IPO5: variants seen among roughly 807,000 people sequenced by gnomAD.
IPO5 encodes the protein importin 5.
In IPO5, 18 loss-of-function variants were observed where a neutral mutation model predicts 143.3. That is an observed-to-expected ratio of 0.13 (90% CI 0.09 to 0.19). The LOEUF is 0.19. Among genes scored for constraint, IPO5 ranks in the 10% least tolerant of loss-of-function variants. IPO5 has a pLI of 1.00. For missense variants in IPO5, 1,013 were observed against 1,336.9 expected (o/e 0.76, Z 3.78); for synonymous variants, 477 against 465.7 (o/e 1.02, Z -0.31).
chr13:97,958,441 C>T lies in IPO5; in HGVS notation c.-113+4243C>T, dbSNP rs9584730. Among the ~76,000 whole-genome samples the T allele has an allele frequency of 3.6e-3, 543 of 152,272 alleles. 4 individuals carry two copies. Among genetic ancestry groups the T allele is most frequent in the African/African-American group, 0.012 (504 of 41,564 alleles). On this transcript the variant is annotated intron_variant, in intron 2 of 28. Transcript: ENST00000651721. ...TCTCTCCCGACCTCACCCCCACCAT[C>T]GGGAGAGGACTCATCAAGAAATTCC...
At chr13:97,961,038 GT>G (rs1884836765) in intron 2 of IPO5, among the ~76,000 whole-genome samples, 1 of 152,148 alleles carries the variant, frequency 6.6e-6, no homozygotes. Flanking sequence ...GTCTATGGAT[GT>G]GCTGATTCTG....
chr13:97,977,127 C>T (rs1339388428), intron 4 of IPO5: 2 of 156,894 alleles, frequency 1.3e-5, no homozygotes, highest in Non-Finnish European at 2.8e-5. Flanking sequence ...CCCCGCTTGC[C>T]CCTTTCCCGC....
chr13:98,006,339 GA>G lies in IPO5; in HGVS notation c.1709del (p.Lys570ArgfsTer11). The G allele has an allele frequency of 8.5e-7, 1 of 1,180,320 alleles. No individual in the cohort carries two copies. Among genetic ancestry groups the G allele is most frequent in the Non-Finnish European group, 1.2e-6 (1 of 841,756 alleles). 73.1% of individuals were successfully genotyped at this position (1,180,320 alleles called of 1,614,324 possible). A position where few individuals can be genotyped will look rare whatever the true frequency, so the allele number is the denominator to read the frequency against. ...CISLIGLAVG[K>X]EKFMQDASDV... ...TTAGCCTCATTGGTCTGGCTGTTGG[GA>G]AGGAAAAAGTAAGTAATTTTTTTTT... is the stretch of plus-strand genomic sequence containing the variant. On this transcript the variant is annotated frameshift_variant, in exon 17 of 29. Coordinates refer to ENST00000651721, the MANE Select transcript of IPO5 (RefSeq NM_002271.6). LOFTEE classifies it high-confidence loss of function.
chr13:97,967,049 A>G (rs1594021269), intron 2 of IPO5, among the ~76,000 whole-genome samples: 2 of 152,308 alleles, frequency 1.3e-5, no homozygotes, highest in East Asian at 3.9e-4. Context: ...AAATAATAAA[A>G]TAAAATAAAA....
In IPO5 at chr13:97,989,146, C is replaced by G; in HGVS notation, c.449C>G (p.Ala150Gly). Residue 150 changes from alanine to glycine, a missense_variant, in exon 7 of 29, where the codon GCT becomes GGT. This residue lies in a region of IPO5 where 328 missense variants were observed against 342.0 expected (regional missense o/e 0.96). Coordinates refer to ENST00000651721, the MANE Select transcript of IPO5 (RefSeq NM_002271.6). ...TCTCAAAATGTGGGACTGCGGGAAG[C>G]TGCCCTTCACATTTTCTGGTATATA... ...VSSQNVGLRE[A>G]ALHIFWNFPG... 6.2e-7 allele frequency: 1 copy of G among 1,608,550 alleles called. No homozygotes were observed. Among genetic ancestry groups the G allele is most frequent in the Non-Finnish European group, 8.5e-7 (1 of 1,175,080 alleles).
In IPO5 at chr13:97,985,495, C is replaced by T. The variant is rs1345893645; in HGVS notation, c.246C>T (p.Pro82=). 5 of 1,613,940 alleles carry T rather than the reference C, an allele frequency of 3.1e-6. No individual in the cohort carries two copies. The highest frequency in any genetic ancestry group is 2.2e-5 in the South Asian group (2 of 91,074). The part of the protein sequence containing the change: ...SAFDEVYPAL[P]SDVQTAIKSE... ...TTGATGAAGTCTATCCAGCACTTCC[C>T]TCTGATGTTCAGACTGCCATCAAGA... Residue 82 remains proline, a synonymous_variant, in exon 6 of 29, where the codon CCC becomes CCT. Transcript: ENST00000651721.
chr13:98,019,486 CAT>C, intron 26 of IPO5, 93 bp from the exon 27 acceptor site: 1 of 842,842 alleles, frequency 1.2e-6, no homozygotes, highest in Non-Finnish European at 1.9e-6. Context: ...ATTTCTTTAC[CAT>C]AATCAATATC....
At chr13:97,986,027 T>G (rs974315922) in intron 6 of IPO5, among the ~76,000 whole-genome samples, 1 of 151,938 alleles carries the variant, frequency 6.6e-6, no homozygotes, top group Non-Finnish European at 1.5e-5. Context: ...AATGGGAGAA[T>G]CACCTGAGCC....
chr13:98,012,951 G>A (rs1889838804), intron 21 of IPO5, among the ~76,000 whole-genome samples: 1 of 152,080 alleles, frequency 6.6e-6, no homozygotes, highest in Middle Eastern at 3.4e-3. Flanking sequence ...GGCAAGACCT[G>A]TCTTAATAGA....
chr13:98,016,703 AGT>A (rs1890142462), intron 24 of IPO5, 24 bp from the exon 25 acceptor site: 2 of 1,224,830 alleles, frequency 1.6e-6, no homozygotes, highest in African/African-American at 1.6e-5. Context: ...AATCCATATG[AGT>A]GTTTATGTGT....
chr13:97,994,390 A>C (rs1888062317), intron 11 of IPO5, among the ~76,000 whole-genome samples: 1 of 152,256 alleles, frequency 6.6e-6, no homozygotes, highest in Non-Finnish European at 1.5e-5. Flanking sequence ...AAGACTCAAC[A>C]GATAAACTGC....
At chr13:97,962,585 G>A (rs1884980122) in intron 2 of IPO5, among the ~76,000 whole-genome samples, 1 of 152,068 alleles carries the variant, frequency 6.6e-6, no homozygotes, top group African/African-American at 2.4e-5. Flanking sequence ...GGGGGGCCCA[G>A]GCAGGCAGAT....
At chr13:98,015,875 T>G (rs1366462578) in intron 24 of IPO5, 94 bp downstream of exon 24, 2 of 767,302 alleles carry the variant, frequency 2.6e-6, no homozygotes, top group African/African-American at 3.5e-5. Flanking sequence ...CTTGTCATTC[T>G]GATGTAATTA....
chr13:97,954,413 C>G (rs968826203), intron 2 of IPO5, among the ~76,000 whole-genome samples: 41 of 152,300 alleles, frequency 2.7e-4, no homozygotes, highest in African/African-American at 9.1e-4. Context: ...TGCTTAGAAG[C>G]AGTATGATTT....
intron 9 of IPO5, 35 bp from the exon 10 acceptor site, chr13:97,992,857 T>C: frequency 6.3e-7 from 1 of 1,577,232 alleles, no homozygotes. Flanking sequence ...ATAAAGTGAA[T>C]CTTCAGCACC....
chr13:98,010,346 AAAGTT>A, intron 20 of IPO5, 122 bp downstream of exon 20: 2 of 881,202 alleles, frequency 2.3e-6, no homozygotes, highest in South Asian at 3.8e-5. Flanking sequence ...CTTAAAAAGT[AAAGTT>A]TTCTTTCCAT....
In IPO5 at chr13:98,014,221, A is replaced by G. The variant is rs1311875133; in HGVS notation, c.2325+7A>G. ...AATGCATTCTTTTGCAAAGGTGAAT[A>G]TTTTTCTCTTAAAAAATATGTATAA... On this transcript the variant is annotated splice_region_variant and intron_variant, in intron 22 of 28. Transcript: ENST00000651721. 1.3e-6 allele frequency: 2 copies of G among 1,589,998 alleles called. No individual in the cohort carries two copies. Among genetic ancestry groups the G allele is most frequent in the Non-Finnish European group, 8.6e-7 (1 of 1,163,202 alleles).
rs1295088645 is a variant in IPO5 at position 97,962,523 on chromosome 13, T to C, written c.-112-7200T>C. ...GGGTCCTCAAGAGAAAATGAACCAA[T>C]AAGAAATAGATGGATGGGCACAGTG... On this transcript the variant is annotated intron_variant, in intron 2 of 28. Transcript: ENST00000651721. Among the ~76,000 whole-genome samples, 4 of 151,788 alleles carry C rather than the reference T, an allele frequency of 2.6e-5. No individual in the cohort carries two copies. The South Asian group carries it at 8.3e-4, about 32-fold the overall frequency.
chr13:97,998,969 C>T (rs1261584524), intron 12 of IPO5, among the ~76,000 whole-genome samples: 1 of 152,028 alleles, frequency 6.6e-6, no homozygotes, highest in Non-Finnish European at 1.5e-5. Context: ...ATGTTGAAAC[C>T]CCGTCTCTAT....
Sources: gnomAD v4.1 joint callset for allele counts (sites outside exome capture counted in the v4.1 genomes callset) on GRCh38, gnomAD v4.1.1 for gene constraint, gnomAD v4.1.1 regional missense constraint, MANE v1.5 for transcripts, NCBI Gene and HGNC (gene_info 2026-07-23, HGNC 2026-07-21) for gene names.